GADL1: variants seen among roughly 807,000 people sequenced by gnomAD.
The protein encoded by GADL1 is GAD like acidic amino acid decarboxylase 1, also known as acidic amino acid decarboxylase GADL1.
GADL1 carries 71 observed loss-of-function variants against 69.5 expected under a neutral mutation model. The ratio of observed to expected loss-of-function variants is 1.02; its 90% CI spans 0.84 to 1.25. GADL1 has a LOEUF of 1.25. Among genes scored for constraint, GADL1 ranks in the 50% most tolerant of loss-of-function variants. The pLI, the probability that GADL1 is intolerant of heterozygous loss-of-function variation, is 0.00. For missense variants in GADL1, 737 were observed against 631.8 expected, an observed-to-expected ratio of 1.17 and a Z score of -1.79; for synonymous variants, 254 against 214.4, an observed-to-expected ratio of 1.18 and a Z score of -1.62.
intron 14 of GADL1, among the ~76,000 whole-genome samples, chr3:30,738,388 T>C (rs1173069085): frequency 6.6e-6 from 1 of 152,152 alleles, no homozygotes; most frequent in East Asian, 1.9e-4. Flanking sequence ...GGAAGAATCA[T>C]GTTATCCAAA....
intron 11 of GADL1, among the ~76,000 whole-genome samples, chr3:30,812,946 AAG>A (rs1213752061): frequency 6.6e-6 from 1 of 152,072 alleles, no homozygotes; most frequent in African/African-American, 2.4e-5. Flanking sequence ...GGGAAATAAA[AAG>A]GGGAGAATGT....
chr3:30,834,892 T>C (rs1057089214), intron 9 of GADL1, among the ~76,000 whole-genome samples: 1 of 152,022 alleles, frequency 6.6e-6, no homozygotes, highest in Non-Finnish European at 1.5e-5. Context: ...TAAAATCCCA[T>C]AGTCAACAGG....
intron 1 of GADL1, among the ~76,000 whole-genome samples, chr3:30,869,424 G>A (rs897297939): frequency 5.9e-5 from 9 of 151,816 alleles, no homozygotes; most frequent in Non-Finnish European, 1.3e-4. Flanking sequence ...ACACAAAGCC[G>A]TGAGAACAGA....
intron 14 of GADL1, among the ~76,000 whole-genome samples, chr3:30,757,212 C>A (rs1227457370): frequency 6.6e-6 from 1 of 152,140 alleles, no homozygotes; most frequent in Non-Finnish European, 1.5e-5. Flanking sequence ...CCTGGACCTT[C>A]ATCAAATATC....
At chr3:30,757,897 G>GAT (rs1331274969) in intron 14 of GADL1, among the ~76,000 whole-genome samples, 1 of 152,202 alleles carries the variant, frequency 6.6e-6, no homozygotes, top group East Asian at 1.9e-4. Flanking sequence ...CTGAGCTTAA[G>GAT]ATGGGTCAGT....
intron 14 of GADL1, among the ~76,000 whole-genome samples, chr3:30,751,219 C>G (rs1299184240): frequency 2.0e-5 from 3 of 152,152 alleles, no homozygotes; most frequent in Admixed American, 1.3e-4. Flanking sequence ...TCTGATTGGT[C>G]ACAGGCCAAT....
chr3:30,755,510 A>T (rs1211987613), intron 14 of GADL1, among the ~76,000 whole-genome samples: 2 of 152,202 alleles, frequency 1.3e-5, no homozygotes, highest in African/African-American at 4.8e-5. Flanking sequence ...TCTCCCCCTA[A>T]GGAATTTCTT....
intron 8 of GADL1, among the ~76,000 whole-genome samples, chr3:30,843,893 C>A (rs554951668): frequency 6.6e-6 from 1 of 152,276 alleles, no homozygotes; most frequent in South Asian, 2.1e-4. Flanking sequence ...GCTGGAGAGG[C>A]TGGATTGATC....
intron 1 of GADL1, among the ~76,000 whole-genome samples, chr3:30,884,043 C>T (rs893918570): frequency 6.6e-6 from 1 of 151,944 alleles, no homozygotes; most frequent in Non-Finnish European, 1.5e-5. Flanking sequence ...CCAAATGCTT[C>T]CACGTCTTAG....
At chr3:30,797,657 T>G (rs1697067997) in intron 12 of GADL1, 1 of 138,184 alleles carries the variant, frequency 7.2e-6, no homozygotes, top group African/African-American at 2.5e-5. Context: ...GCGTTTTGTT[T>G]TGTTTTGTTT....
chr3:30,746,661 A>G (rs6550013), intron 14 of GADL1, among the ~76,000 whole-genome samples: 71,606 of 151,970 alleles, frequency 0.47, 18,313 homozygotes, highest in African/African-American at 0.68. Context: ...TCCTTTAGCT[A>G]AGAACAGTGT....
intron 1 of GADL1, among the ~76,000 whole-genome samples, chr3:30,885,502 T>C (rs1698691354): frequency 6.6e-6 from 1 of 152,112 alleles, no homozygotes; most frequent in Non-Finnish European, 1.5e-5. Context: ...TTTTGTTTTC[T>C]TTTTGACAGA....
At chr3:30,875,166 T>A (rs1698559836) in intron 1 of GADL1, among the ~76,000 whole-genome samples, 1 of 150,420 alleles carries the variant, frequency 6.6e-6, no homozygotes. Context: ...TTCTGCTGTC[T>A]AGTGGTCAAA....
chr3:30,857,998 T>G (rs1698256179), intron 2 of GADL1, among the ~76,000 whole-genome samples: 1 of 152,042 alleles, frequency 6.6e-6, no homozygotes, highest in Non-Finnish European at 1.5e-5. Context: ...ACAACAGCAA[T>G]CCTGACTCCC....
intron 1 of GADL1, among the ~76,000 whole-genome samples, chr3:30,863,811 C>A (rs1698356894): frequency 7.5e-6 from 1 of 133,254 alleles, no homozygotes; most frequent in African/African-American, 2.7e-5. Flanking sequence ...CCACCTTCTC[C>A]TCAAAGTTAA....
intron 11 of GADL1, among the ~76,000 whole-genome samples, chr3:30,815,921 T>C (rs1170607779): frequency 6.6e-6 from 1 of 152,154 alleles, no homozygotes; most frequent in African/African-American, 2.4e-5. Context: ...TTCCATCCTT[T>C]ATGAGCTTCA....
chr3:30,876,918 G>A (rs1001138066), intron 1 of GADL1, among the ~76,000 whole-genome samples: 10 of 151,770 alleles, frequency 6.6e-5, no homozygotes, highest in African/African-American at 2.4e-4. Flanking sequence ...ATCCTCTATT[G>A]GCTGTCTCCC....
At chr3:30,866,053 G>A (rs143694200) in intron 1 of GADL1, among the ~76,000 whole-genome samples, 100 of 152,188 alleles carry the variant, frequency 6.6e-4, no homozygotes, top group African/African-American at 2.1e-3. Context: ...CTCTTCCTCT[G>A]ACATAGAATT....
chr3:30,771,557 ATAAATTT>A (rs757339838), intron 14 of GADL1, among the ~76,000 whole-genome samples: 53 of 152,336 alleles, frequency 3.5e-4, no homozygotes, highest in Non-Finnish European at 7.4e-5. Context: ...CTCTTTAAAC[ATAAATTT>A]TAAAGTACAG....
Sources: allele counts gnomAD v4.1 joint callset (sites outside exome capture counted in the v4.1 genomes callset), GRCh38; gene constraint gnomAD v4.1.1; transcripts MANE v1.5; gene names NCBI Gene and HGNC (gene_info 2026-07-23, HGNC 2026-07-21).